Variants in HBS1L observed in about 807,000 individuals in gnomAD.
HBS1L encodes HBS1 like translational GTPase.
In HBS1L, 55 loss-of-function variants were observed where a neutral mutation model predicts 88.9. The ratio of observed to expected loss-of-function variants is 0.62; its 90% CI spans 0.50 to 0.77. The LOEUF (loss-of-function observed/expected upper bound fraction) is 0.77, where lower values mean the gene tolerates loss of function less well. HBS1L is among the 30% of genes least tolerant of loss of function. HBS1L has a pLI of 0.00. For synonymous variants in HBS1L, 267 were observed against 288.5 expected (o/e 0.93, Z 0.76); for missense variants, 741 against 829.3 (o/e 0.89, Z 1.31).
At chr6:135,001,901 T>C (rs1475847128) in intron 5 of HBS1L, among the ~76,000 whole-genome samples, 6 of 151,154 alleles carry the variant, frequency 4.0e-5, no homozygotes, top group Non-Finnish European at 7.4e-5. Context: ...ATAAATAAGG[T>C]TCCTGGGTTT....
At chr6:135,004,265 A>G (rs1775548351) in intron 4 of HBS1L, among the ~76,000 whole-genome samples, 1 of 151,550 alleles carries the variant, frequency 6.6e-6, no homozygotes, top group African/African-American at 2.4e-5. Context: ...AATGATAAAA[A>G]AAAAAAAAAA....
chr6:135,005,260 T>C (rs147524894), intron 4 of HBS1L, among the ~76,000 whole-genome samples: 42 of 152,354 alleles, frequency 2.8e-4, no homozygotes, highest in Middle Eastern at 6.8e-3. Flanking sequence ...TCCAAAAGCA[T>C]TGAAATATTA....
At chr6:135,037,339 C>T in intron 4 of HBS1L, 4 of 1,551,882 alleles carry the variant, frequency 2.6e-6, no homozygotes, top group Non-Finnish European at 3.5e-6. Context: ...TAGGGATGGA[C>T]TTTCACACTG....
intron 15 of HBS1L, among the ~76,000 whole-genome samples, chr6:134,975,019 T>C (rs904023892): frequency 6.6e-6 from 1 of 152,082 alleles, no homozygotes; most frequent in Admixed American, 6.6e-5. Context: ...ATCCTAAAGA[T>C]TCCTCCCAAA....
intron 4 of HBS1L, among the ~76,000 whole-genome samples, chr6:135,012,527 T>C (rs1289266970): frequency 6.6e-6 from 1 of 152,192 alleles, no homozygotes; most frequent in Non-Finnish European, 1.5e-5. Flanking sequence ...CCTCAAACCA[T>C]GTTCTACTTC....
chr6:135,020,966 A>G (rs552964407), intron 4 of HBS1L, among the ~76,000 whole-genome samples: 28 of 152,140 alleles, frequency 1.8e-4, no homozygotes, highest in Admixed American at 5.2e-4. Context: ...ACTTAAAAAA[A>G]AGGACTAATA....
rs1206667560 is a variant in HBS1L, at chr6:134,961,856, A to T, written c.*3423T>A. 1.3e-5 allele frequency: 2 copies of T among 152,186 alleles called. No homozygotes were observed. The highest frequency in any genetic ancestry group is 4.8e-5 in the African/African-American group (2 of 41,438). The allele number at this position is 152,186 out of a possible 1,614,324, so 9.4% of individuals were successfully genotyped here. A position where few individuals can be genotyped will look rare whatever the true frequency, so the allele number is the denominator to read the frequency against. The stretch of plus-strand genomic sequence containing the variant: ...AGCATCAATAAAACTAATTTTGATT[A>T]TAATTATGCCCTGGTGATCTTTGAT... On this transcript the variant is annotated 3_prime_UTR_variant, in exon 18 of 18. Coordinates refer to ENST00000367837, the MANE Select transcript of HBS1L (RefSeq NM_006620.4).
chr6:135,052,765 G>A (rs73774563), intron 1 of HBS1L, among the ~76,000 whole-genome samples: 5,574 of 152,148 alleles, frequency 0.037, 354 homozygotes, highest in African/African-American at 0.13. Context: ...CATTGTGCCA[G>A]CTACTTAAAG....
intron 4 of HBS1L, among the ~76,000 whole-genome samples, chr6:135,014,737 C>T (rs1027115842): frequency 6.6e-6 from 1 of 151,104 alleles, no homozygotes; most frequent in Non-Finnish European, 1.5e-5. Context: ...CAGATAGAGG[C>T]CGGCTACAGT....
intron 16 of HBS1L, among the ~76,000 whole-genome samples, chr6:134,968,244 CTTTT>C (rs748189369): frequency 6.8e-6 from 1 of 146,412 alleles, no homozygotes; most frequent in African/African-American, 2.5e-5. Context: ...GGTAAGAAAT[CTTTT>C]TTTTTTTTTC....
intron 4 of HBS1L, among the ~76,000 whole-genome samples, chr6:135,012,785 T>C (rs1775811622): frequency 6.6e-6 from 1 of 152,208 alleles, no homozygotes; most frequent in Non-Finnish European, 1.5e-5. Context: ...ATGAAAATTA[T>C]ACTTTAATTT....
rs74569971 is a variant in HBS1L at position 135,009,892 on chromosome 6, C to A, written c.431-7050G>T. On this transcript the variant is annotated intron_variant, in intron 4 of 17. Transcript: ENST00000367837. ...TGATCCGCCCGCCTCGGCCTCCCAA[C>A]GTGCTGGGATTACAGGCATGAACCA... Among the ~76,000 whole-genome samples, 7 of 151,676 alleles carry A rather than the reference C, an allele frequency of 4.6e-5. No individual in the cohort carries two copies. The East Asian group carries it at 7.7e-4, about 17-fold the overall frequency.
intron 5 of HBS1L, among the ~76,000 whole-genome samples, chr6:134,998,706 C>T (rs867352258): frequency 2.0e-5 from 3 of 152,212 alleles, no homozygotes; most frequent in Non-Finnish European, 4.4e-5. Context: ...TTTTCCCTGT[C>T]AGGGCATTTT....
chr6:134,982,576 C>G lies in HBS1L; in HGVS notation c.1493-14G>C, dbSNP rs1230057284. 6.8e-6 allele frequency: 10 copies of G among 1,470,198 alleles called. No homozygotes were observed. The highest frequency in any genetic ancestry group is 9.5e-6 in the Non-Finnish European group (10 of 1,051,024). 91.1% of individuals were successfully genotyped at this position (1,470,198 alleles called of 1,614,324 possible). A position where few individuals can be genotyped will look rare whatever the true frequency, so the allele number is the denominator to read the frequency against. On this transcript the variant is annotated splice_polypyrimidine_tract_variant and intron_variant, in intron 12 of 17. Transcript: ENST00000367837. ...CAGATCCTTGATCTGCAAAACATAC[C>G]AAAATCTTATGGTTCATACAGCAAT...
Position 134,965,247 on chromosome 6 carries a change from G to A in HBS1L, c.*32C>T. 3 of 1,546,018 alleles carry A rather than the reference G, an allele frequency of 1.9e-6. No homozygotes were observed. Among genetic ancestry groups the A allele is most frequent in the East Asian group, 2.3e-5 (1 of 44,358 alleles). ...TGAAACAGAGGTTAGCTATTTCACT[G>A]TATCCAGAAACGTGGTAGAAATTCT... is the stretch of plus-strand genomic sequence containing the variant. On this transcript the variant is annotated 3_prime_UTR_variant, in exon 18 of 18. Transcript: ENST00000367837.
rs751342221 is a variant in HBS1L, at chr6:134,987,766, T to A, written c.1109A>T (p.Asp370Val). 1 of 1,600,296 alleles carries A rather than the reference T, an allele frequency of 6.2e-7. No individual in the cohort carries two copies. The highest frequency in any genetic ancestry group is 2.3e-5 in the East Asian group (1 of 43,810). The change falls in exon 9 of 18, where the codon GAT becomes GTT. Residue 370 changes from aspartate to valine, a missense_variant. Physicochemically the swap from Asp to Val is radical, Grantham distance 152. Around this residue, in one of 3 missense-constraint regions of HBS1L, gnomAD observed 556 missense variants for 598.4 expected, o/e 0.93. Transcript: ENST00000367837. ...AQADVAVLVV[D>V]ASRGEFEAGF... is the part of the protein sequence containing the mutation. ...AGCTTCAAACTCTCCCCTGCTGGCA[T>A]CTACAACTAAAACAGCTACATCCGC...
Position 134,965,164 on chromosome 6 carries a change from C to T in HBS1L, c.*115G>A. The T allele has an allele frequency of 1.1e-6, 1 of 880,126 alleles. No individual in the cohort carries two copies. Among genetic ancestry groups the T allele is most frequent in the Non-Finnish European group, 1.9e-6 (1 of 536,132 alleles). 54.5% of individuals were successfully genotyped at this position (880,126 alleles called of 1,614,324 possible). On this transcript the variant is annotated 3_prime_UTR_variant, in exon 18 of 18. Transcript: ENST00000367837. The stretch of plus-strand genomic sequence containing the variant: ...AGCTAATTTTAGCTTTAATTTTTCT[C>T]TCTCATCTAAAAACATATCAATTGC...
At chr6:135,026,040 C>T (rs1776217992) in intron 4 of HBS1L, among the ~76,000 whole-genome samples, 2 of 152,080 alleles carry the variant, frequency 1.3e-5, no homozygotes, top group Admixed American at 1.3e-4. Context: ...GCAAAGTCCT[C>T]CAGGAAAGAA....
chr6:135,008,849 T>C (rs958267044), intron 4 of HBS1L, among the ~76,000 whole-genome samples: 1 of 152,210 alleles, frequency 6.6e-6, no homozygotes, highest in East Asian at 1.9e-4. Flanking sequence ...CAGTCCACAG[T>C]ACATGACACA....
Sources: allele counts gnomAD v4.1 joint callset (sites outside exome capture counted in the v4.1 genomes callset), GRCh38; gene constraint gnomAD v4.1.1; regional missense constraint gnomAD v4.1.1; transcripts MANE v1.5; gene names NCBI Gene and HGNC (gene_info 2026-07-23, HGNC 2026-07-21).